Variants in RIMS2 observed in about 807,000 individuals in gnomAD.
RIMS2 encodes the protein regulating synaptic membrane exocytosis 2.
RIMS2 carries 59 observed loss-of-function variants against 174.4 expected under a neutral mutation model. That is an observed-to-expected ratio of 0.34 (90% CI 0.27 to 0.42). The LOEUF (loss-of-function observed/expected upper bound fraction) is 0.42, where lower values mean the gene tolerates loss of function less well. Ranked by LOEUF, RIMS2 falls within the 10% of genes least tolerant of loss-of-function variation. The pLI, the probability that RIMS2 is intolerant of heterozygous loss-of-function variation, is 1.00. For missense variants in RIMS2, 1,620 were observed against 1,666.3 expected (o/e 0.97, Z 0.48); for synonymous variants, 606 against 572.5 (o/e 1.06, Z -0.84).
intron 15 of RIMS2, among the ~76,000 whole-genome samples, chr8:103,971,424 A>G (rs1306741909): frequency 1.3e-5 from 2 of 152,126 alleles, no homozygotes; most frequent in Non-Finnish European, 2.9e-5. Context: ...ATGACTTTCA[A>G]ATGTTTAGCA....
intron 1 of RIMS2, among the ~76,000 whole-genome samples, chr8:103,582,484 T>G (rs2093673453): frequency 6.6e-6 from 1 of 152,172 alleles, no homozygotes; most frequent in Non-Finnish European, 1.5e-5. Context: ...AAGAGGGCTC[T>G]TGGGGTCCCC....
rs749665730 is a variant in RIMS2 at position 104,057,063 on chromosome 8, C to CT, written c.3334+42464dup. On this transcript the variant is annotated intron_variant, in intron 19 of 23. Coordinates refer to ENST00000504942, the Ensembl canonical transcript of RIMS2. ...TACATCCTTTTTTCTTTTTCTTTTT[C>CT]TTTTTTTTTTTTTTTTCTTTTGAGA... 9.8e-3 allele frequency among the ~76,000 whole-genome samples: 1,324 copies of CT among 135,392 alleles called. 17 individuals are homozygous for CT. The highest frequency in any genetic ancestry group is 0.02 in the African/African-American group (732 of 37,140). The allele number at this position is 135,392 out of a possible 152,430, so 88.8% of individuals were successfully genotyped here.
intron 19 of RIMS2, among the ~76,000 whole-genome samples, chr8:104,163,539 G>A (rs1377276704): frequency 6.6e-6 from 1 of 152,138 alleles, no homozygotes; most frequent in Admixed American, 6.6e-5. Flanking sequence ...AAAGACAAAT[G>A]ACCTTTTGAT....
intron 3 of RIMS2, chr8:103,880,542 G>T: frequency 2.5e-6 from 1 of 404,332 alleles, no homozygotes; most frequent in South Asian, 9.2e-5. Context: ...TAAACAAGTA[G>T]AGACTTTCAA....
At chr8:103,608,326 A>G (rs1306046930) in intron 1 of RIMS2, among the ~76,000 whole-genome samples, 3 of 143,412 alleles carry the variant, frequency 2.1e-5, no homozygotes, top group Admixed American at 6.8e-5. Context: ...TCAGGGACCC[A>G]CTTGAGGAGG....
chr8:103,952,751 T>A (rs2085829447), intron 14 of RIMS2, among the ~76,000 whole-genome samples: 1 of 152,020 alleles, frequency 6.6e-6, no homozygotes, highest in African/African-American at 2.4e-5. Context: ...CTAAACTGGA[T>A]AGAGAATGAG....
intron 2 of RIMS2, among the ~76,000 whole-genome samples, chr8:103,742,619 T>C (rs1459510145): frequency 6.6e-6 from 1 of 152,186 alleles, no homozygotes; most frequent in African/African-American, 2.4e-5. Flanking sequence ...TATTAATTTA[T>C]AAAAGCTCTC....
At chr8:103,616,057 G>C (rs2095496908) in intron 1 of RIMS2, among the ~76,000 whole-genome samples, 3 of 151,996 alleles carry the variant, frequency 2.0e-5, no homozygotes, top group Admixed American at 2.0e-4. Context: ...ACCTGGAAGA[G>C]ACATGATAAA....
intron 17 of RIMS2, chr8:103,998,227 T>G: frequency 6.2e-7 from 1 of 1,610,018 alleles, no homozygotes; most frequent in Non-Finnish European, 8.5e-7. Flanking sequence ...GTCAGACCAT[T>G]GACCATCATC....
chr8:104,016,466 T>C (rs1053750933), intron 19 of RIMS2, among the ~76,000 whole-genome samples: 1 of 152,058 alleles, frequency 6.6e-6, no homozygotes, highest in Non-Finnish European at 1.5e-5. Context: ...TTGTCGTTCT[T>C]TCTATTTCCA....
intron 13 of RIMS2, among the ~76,000 whole-genome samples, chr8:103,940,683 C>T (rs2082321491): frequency 6.6e-6 from 1 of 152,004 alleles, no homozygotes; most frequent in Non-Finnish European, 1.5e-5. Context: ...CGAGACCAGC[C>T]TGACCAGTGT....
chr8:103,849,314 A>G (rs2098984765), intron 3 of RIMS2, among the ~76,000 whole-genome samples: 1 of 152,052 alleles, frequency 6.6e-6, no homozygotes, highest in Non-Finnish European at 1.5e-5. Context: ...TCTCAGGTCA[A>G]GTTCATTAGA....
chr8:103,709,936 C>T (rs569537984), intron 2 of RIMS2, among the ~76,000 whole-genome samples: 1 of 152,270 alleles, frequency 6.6e-6, no homozygotes, highest in Admixed American at 6.5e-5. Flanking sequence ...TAGATTTTAG[C>T]TCAAGGAAGA....
chr8:104,028,094 T>A (rs116648659), intron 19 of RIMS2, among the ~76,000 whole-genome samples: 4,506 of 151,594 alleles, frequency 0.03, 186 homozygotes, highest in African/African-American at 0.098. Flanking sequence ...TATGCCTGGC[T>A]AATTTTTAAA....
rs186544006 is a variant in RIMS2 at position 103,887,173 on chromosome 8, G to A, written c.1624+950G>A. On this transcript the variant is annotated intron_variant, in intron 4 of 23. Transcript: ENST00000504942. ...TTTGAATTTGATTGTAAAGTTGAAT[G>A]TTTTATATGTTTATCTGCATTTGAT... is the stretch of plus-strand genomic sequence containing the variant. Among the ~76,000 whole-genome samples the A allele has an allele frequency of 1.7e-3, 255 of 151,754 alleles. 1 individual carries two copies. Among genetic ancestry groups the A allele is most frequent in the Non-Finnish European group, 1.8e-3 (124 of 67,720 alleles).
At position 103,768,142 on chromosome 8, in the gene RIMS2, G is replaced by A. The variant is rs1591978526; in HGVS notation, c.698+1605G>A. The A allele has an allele frequency of 1.3e-5, 4 of 312,308 alleles. No individual in the cohort carries two copies. The East Asian group carries it at 3.0e-4, about 24-fold the overall frequency. 19.3% of individuals were successfully genotyped at this position (312,308 alleles called of 1,614,324 possible). A position where few individuals can be genotyped will look rare whatever the true frequency, so the allele number is the denominator to read the frequency against. On this transcript the variant is annotated intron_variant, in intron 3 of 23. Transcript: ENST00000504942. ...GATCAAGAAAGTTCCCCAAATGGCA[G>A]TTATAATGGTCAAGGTATATGAAAA...
chr8:104,240,812 C>G (rs925042397), intron 19 of RIMS2, among the ~76,000 whole-genome samples: 1 of 152,084 alleles, frequency 6.6e-6, no homozygotes, highest in Non-Finnish European at 1.5e-5. Context: ...TACATAGTTT[C>G]AAATTCTGTA....
intron 1 of RIMS2, among the ~76,000 whole-genome samples, chr8:103,636,448 A>G (rs1475927542): frequency 1.3e-5 from 2 of 152,250 alleles, no homozygotes; most frequent in South Asian, 2.1e-4. Flanking sequence ...TGGGTTCACA[A>G]GGAGATCTCC....
At chr8:103,514,676 A>G (rs1828088736) in intron 1 of RIMS2, among the ~76,000 whole-genome samples, 1 of 152,134 alleles carries the variant, frequency 6.6e-6, no homozygotes, top group South Asian at 2.1e-4. Context: ...TTGTTTAATG[A>G]TTATCTTTTC....
Sources: allele counts gnomAD v4.1 joint callset (sites outside exome capture counted in the v4.1 genomes callset), GRCh38; gene constraint gnomAD v4.1.1; transcripts MANE v1.5; gene names NCBI Gene and HGNC (gene_info 2026-07-23, HGNC 2026-07-21).